Variants in EEF1E1 observed in about 807,000 individuals in gnomAD.
EEF1E1 encodes the protein eukaryotic translation elongation factor 1 epsilon 1.
A neutral mutation model predicts 19.9 loss-of-function variants in EEF1E1; 19 were observed. The observed-to-expected ratio is 0.95, with a 90% CI of 0.66 to 1.40. The LOEUF is 1.40. Ranked by LOEUF, EEF1E1 falls within the 40% of genes most tolerant of loss-of-function variation. EEF1E1 has a pLI of 0.00. For synonymous variants in EEF1E1, 81 were observed against 80.0 expected, an observed-to-expected ratio of 1.01 and a Z score of -0.07; for missense variants, 198 against 202.2, an observed-to-expected ratio of 0.98 and a Z score of 0.13.
At chr6:8,094,097 C>T (rs1172646786) in intron 2 of EEF1E1, among the ~76,000 whole-genome samples, 1 of 152,018 alleles carries the variant, frequency 6.6e-6, no homozygotes, top group African/African-American at 2.4e-5. Context: ...CCGCATGCGG[C>T]CTCAAACGAA....
rs549266390 is a variant in EEF1E1, at chr6:8,095,820, T to C, written c.288+1447A>G. ...AGCAAAACAAAACAAATCAACCCTT[T>C]TCTCATCTGTGCATGTGGCCAAAAT... is the stretch of plus-strand genomic sequence containing the variant. On this transcript the variant is annotated intron_variant, in intron 2 of 3. Coordinates refer to ENST00000379715, the MANE Select transcript of EEF1E1 (RefSeq NM_004280.5). Among the ~76,000 whole-genome samples, 2 of 152,276 alleles carry C rather than the reference T, an allele frequency of 1.3e-5. 1 individual carries two copies. The highest frequency in any genetic ancestry group is 4.8e-5 in the African/African-American group (2 of 41,562).
chr6:8,095,970 T>C (rs1758161325), intron 2 of EEF1E1, among the ~76,000 whole-genome samples: 1 of 152,166 alleles, frequency 6.6e-6, no homozygotes, highest in Non-Finnish European at 1.5e-5. Context: ...CAAGCGTTTA[T>C]ATAGTAGGTG....
chr6:8,082,465 G>A (rs1170334408), intron 3 of EEF1E1, among the ~76,000 whole-genome samples: 1 of 152,108 alleles, frequency 6.6e-6, no homozygotes, highest in African/African-American at 2.4e-5. Flanking sequence ...TTTTAGTAGA[G>A]ACGTGGTTTT....
intron 3 of EEF1E1, chr6:8,073,620 T>G: frequency 7.1e-7 from 1 of 1,409,312 alleles, no homozygotes; most frequent in Non-Finnish European, 9.4e-7. Context: ...TATTAAAAGT[T>G]TTAACAGATA....
chr6:8,100,590 C>T (rs1474223001), intron 1 of EEF1E1, among the ~76,000 whole-genome samples: 1 of 152,138 alleles, frequency 6.6e-6, no homozygotes, highest in East Asian at 1.9e-4. Flanking sequence ...TAGCTCACTG[C>T]AACCTTGGTG....
intron 1 of EEF1E1, among the ~76,000 whole-genome samples, chr6:8,099,754 ACAC>A (rs1561646171): frequency 0.08 from 7,520 of 93,884 alleles, 332 homozygotes; most frequent in Non-Finnish European, 0.11. Context: ...CCTCAAAAAC[ACAC>A]ACACACACAC....
intron 3 of EEF1E1, among the ~76,000 whole-genome samples, chr6:8,083,573 C>T (rs1027412394): frequency 3.9e-5 from 6 of 152,120 alleles, no homozygotes; most frequent in Non-Finnish European, 7.3e-5. Context: ...AAAGGAAAGG[C>T]AACATAATAT....
chr6:8,089,360 G>C (rs1486073453), intron 3 of EEF1E1, among the ~76,000 whole-genome samples: 1 of 152,058 alleles, frequency 6.6e-6, no homozygotes, highest in Admixed American at 6.6e-5. Context: ...ATATAAAGGG[G>C]AGTTTATTAA....
At chr6:8,078,282 G>T (rs766734771), downstream of EEF1E1, among the ~76,000 whole-genome samples, 17 of 152,112 alleles carry the variant, frequency 1.1e-4, no homozygotes, top group Non-Finnish European at 2.1e-4. Flanking sequence ...CAATACTCTT[G>T]TGTCTCGAGG....
chr6:8,080,984 C>T (rs1396030604), intron 3 of EEF1E1, among the ~76,000 whole-genome samples: 2 of 152,354 alleles, frequency 1.3e-5, no homozygotes, highest in East Asian at 3.9e-4. Flanking sequence ...GTTCTGCAGA[C>T]AAGCATTCTG....
intron 3 of EEF1E1, among the ~76,000 whole-genome samples, chr6:8,080,669 A>T (rs1471084884): frequency 6.6e-6 from 1 of 152,246 alleles, no homozygotes; most frequent in East Asian, 1.9e-4. Context: ...CAAATTCCAA[A>T]ATAGGTGACT....
At chr6:8,078,839 CTT>C, downstream of EEF1E1, 1 of 1,128,140 alleles carries the variant, frequency 8.9e-7, no homozygotes, top group East Asian at 8.1e-5. Context: ...TTAGCATTAT[CTT>C]TTTATTTTTA....
At position 8,079,704 on chromosome 6, in the gene EEF1E1, T is replaced by C; in HGVS notation, c.*186A>G. ...GTTTAATAGCAATTGAATTTTGACA[T>C]AAAAATTGCAAAACTTCAGCTAAAG... is the stretch of plus-strand genomic sequence containing the variant. On this transcript the variant is annotated 3_prime_UTR_variant, in exon 4 of 4. Coordinates refer to ENST00000379715, the MANE Select transcript of EEF1E1 (RefSeq NM_004280.5). The C allele has an allele frequency of 3.1e-6, 4 of 1,273,698 alleles. No homozygotes were observed. Among genetic ancestry groups the C allele is most frequent in the Non-Finnish European group, 4.0e-6 (4 of 1,007,274 alleles). 78.9% of individuals were successfully genotyped at this position (1,273,698 alleles called of 1,614,324 possible).
intron 1 of EEF1E1, among the ~76,000 whole-genome samples, chr6:8,101,547 T>G (rs919996776): frequency 6.6e-6 from 1 of 151,382 alleles, no homozygotes; most frequent in Admixed American, 6.6e-5. Context: ...ACTATACTAC[T>G]ACTTTCTAGA....
At chr6:8,095,954 G>A (rs1273577697) in intron 2 of EEF1E1, among the ~76,000 whole-genome samples, 1 of 152,160 alleles carries the variant, frequency 6.6e-6, no homozygotes, top group Non-Finnish European at 1.5e-5. Context: ...GCATCCTGGT[G>A]CACTGCAAGC....
chr6:8,102,161 GGT>G, intron 1 of EEF1E1: 1 of 1,259,698 alleles, frequency 7.9e-7, no homozygotes, highest in Non-Finnish European at 1.0e-6. Context: ...TCCTCCAACT[GGT>G]TTTGTTTCCT....
chr6:8,075,220 C>T (rs1757563208), downstream of EEF1E1, among the ~76,000 whole-genome samples: 1 of 152,100 alleles, frequency 6.6e-6, no homozygotes, highest in Non-Finnish European at 1.5e-5. Context: ...CATAACAACT[C>T]CCATAATTAA....
At chr6:8,099,770 AC>A (rs1561646205) in intron 1 of EEF1E1, among the ~76,000 whole-genome samples, 1,431 of 122,328 alleles carry the variant, frequency 0.012, 54 homozygotes, top group African/African-American at 0.041. Context: ...ACACACACAC[AC>A]ACACACACAC....
At chr6:8,102,372 C>A in intron 1 of EEF1E1, 63 bp downstream of exon 1, 1 of 1,526,576 alleles carries the variant, frequency 6.6e-7, no homozygotes, top group Non-Finnish European at 8.9e-7. Flanking sequence ...CCGGGTCCTG[C>A]CAGGGCTCGG....
Sources: gnomAD v4.1 joint callset for allele counts (sites outside exome capture counted in the v4.1 genomes callset) on GRCh38, gnomAD v4.1.1 for gene constraint, MANE v1.5 for transcripts, NCBI Gene and HGNC (gene_info 2026-07-23, HGNC 2026-07-21) for gene names.